SRD5A2: variants seen among roughly 807,000 people sequenced by gnomAD.
The protein encoded by SRD5A2 is 3-oxo-5-alpha-steroid 4-dehydrogenase 2.
In SRD5A2, 30 loss-of-function variants were observed where a neutral mutation model predicts 27.4. That is an observed-to-expected ratio of 1.10 (90% confidence interval 0.82 to 1.49). The LOEUF (loss-of-function observed/expected upper bound fraction) is 1.49. Among genes scored for constraint, SRD5A2 ranks in the 40% most tolerant of loss-of-function variants. The pLI is 0.00. For missense variants in SRD5A2, 348 were observed against 323.4 expected, an observed-to-expected ratio of 1.08 and a Z score of -0.58; for synonymous variants, 141 against 133.6, an observed-to-expected ratio of 1.06 and a Z score of -0.38.
chr2:31,569,266 C>T (rs1428138922), intron 1 of SRD5A2, among the ~76,000 whole-genome samples: 1 of 152,226 alleles, frequency 6.6e-6, no homozygotes, highest in African/African-American at 2.4e-5. Context: ...AGAAAAATAA[C>T]CAGAAATGCA....
intron 1 of SRD5A2, among the ~76,000 whole-genome samples, chr2:31,559,836 C>CAACACACACACACACACA (rs70964719): frequency 2.7e-4 from 17 of 63,714 alleles, no homozygotes; most frequent in African/African-American, 7.2e-4. Flanking sequence ...GTAAACAAAC[C>CAACACACACACACACACA]CACACACACA....
At chr2:31,627,392 T>C in the SRD5A2 span, among the ~76,000 whole-genome samples, 2 of 151,838 alleles carry the variant, frequency 1.3e-5, no homozygotes, top group Non-Finnish European at 2.9e-5. Context: ...TATTAATTCT[T>C]TCATAGAACA....
At chr2:31,657,454 A>G in the SRD5A2 span, among the ~76,000 whole-genome samples, 1 of 152,198 alleles carries the variant, frequency 6.6e-6, no homozygotes, top group Non-Finnish European at 1.5e-5. Flanking sequence ...GCAGTGGCAC[A>G]ATCGTAGCTC....
At chr2:31,605,742 C>CA in the SRD5A2 span, among the ~76,000 whole-genome samples, 2,680 of 141,276 alleles carry the variant, frequency 0.019, 66 homozygotes, top group African/African-American at 0.062. Flanking sequence ...TTTGGAGGAT[C>CA]AAAAAAAAAA....
chr2:31,580,806 C>G lies in SRD5A2; in HGVS notation c.95G>C (p.Gly32Ala). Reference sequence around the variant, plus strand: ...CAGGCTCTCCGTGTGCTTCCCGTAGCCGGAGGGCTTCGCGACGTACAAGGC... The same window carrying G: ...CAGGCTCTCCGTGTGCTTCCCGTAGGCGGAGGGCTTCGCGACGTACAAGGC... Reference protein sequence around the residue: ...ALALYVAKPSGYGKHTESLKP... With the variant: ...ALALYVAKPSAYGKHTESLKP... Residue 32 changes from glycine (G) to alanine (A), a missense_variant, in exon 1 of 5, where the codon GGC (glycine) becomes GCC (alanine). Transcript: ENST00000622030. 1 of 1,612,518 alleles carries G rather than the reference C, an allele frequency of 6.2e-7. No homozygotes were observed. Among genetic ancestry groups the G allele is most frequent in the Non-Finnish European group, 8.5e-7 (1 of 1,179,702 alleles).
intron 1 of SRD5A2, among the ~76,000 whole-genome samples, chr2:31,572,408 T>A (rs894836140): frequency 6.6e-6 from 1 of 152,218 alleles, no homozygotes; most frequent in Non-Finnish European, 1.5e-5. Flanking sequence ...CTGAGACATG[T>A]AGTTTACCTG....
chr2:31,564,344 T>C (rs1240877740), intron 1 of SRD5A2, among the ~76,000 whole-genome samples: 1 of 149,328 alleles, frequency 6.7e-6, no homozygotes, highest in Non-Finnish European at 1.5e-5. Flanking sequence ...AGAATAGCAA[T>C]AGAAATTACC....
At chr2:31,657,853 G>T in the SRD5A2 span, among the ~76,000 whole-genome samples, 2 of 152,102 alleles carry the variant, frequency 1.3e-5, no homozygotes, top group African/African-American at 2.4e-5. Context: ...GAGTGTGTGG[G>T]GGTGGGAAGG....
chr2:31,551,799 A>G (rs1408893975), intron 1 of SRD5A2, among the ~76,000 whole-genome samples: 1 of 152,220 alleles, frequency 6.6e-6, no homozygotes, highest in South Asian at 2.1e-4. Flanking sequence ...GACTTATTAA[A>G]TAGTTATAGT....
chr2:31,585,832 A>G (rs1023828725), upstream of SRD5A2, among the ~76,000 whole-genome samples: 1 of 152,084 alleles, frequency 6.6e-6, no homozygotes, highest in Non-Finnish European at 1.5e-5. Context: ...CCACTGCCCC[A>G]AAGAGTGAGT....
chr2:31,595,459 A>T, the SRD5A2 span, among the ~76,000 whole-genome samples: 1 of 152,156 alleles, frequency 6.6e-6, no homozygotes, highest in Non-Finnish European at 1.5e-5. Flanking sequence ...ACCTAAGGGG[A>T]TGGATAAATT....
upstream of SRD5A2, among the ~76,000 whole-genome samples, chr2:31,583,615 A>G (rs796504754): frequency 0.01 from 578 of 56,034 alleles, 8 homozygotes; most frequent in African/African-American, 0.042. Flanking sequence ...TCCTTCCAGG[A>G]AAAAAAAAAA....
the SRD5A2 span, among the ~76,000 whole-genome samples, chr2:31,622,779 CT>C: frequency 6.6e-6 from 1 of 152,096 alleles, no homozygotes; most frequent in African/African-American, 2.4e-5. Context: ...TGTGGCACTT[CT>C]TCTCAGTCCA....
At chr2:31,648,762 T>A in the SRD5A2 span, among the ~76,000 whole-genome samples, 1 of 152,250 alleles carries the variant, frequency 6.6e-6, no homozygotes, top group Non-Finnish European at 1.5e-5. Context: ...ACACGGCTGT[T>A]CTTTCCTCGA....
chr2:31,572,742 A>G (rs1572655323), intron 1 of SRD5A2, among the ~76,000 whole-genome samples: 1 of 152,224 alleles, frequency 6.6e-6, no homozygotes. Flanking sequence ...ACAAGAGGGC[A>G]GGCAGAGAGG....
chr2:31,581,283 C>T (rs61748130), upstream of SRD5A2, among the ~76,000 whole-genome samples: 8 of 152,174 alleles, frequency 5.3e-5, no homozygotes, highest in Admixed American at 3.9e-4. Context: ...GTGGTTCTTC[C>T]GCCCCAACAC....
At chr2:31,534,068 A>C (rs567553357) in intron 1 of SRD5A2, among the ~76,000 whole-genome samples, 255 of 152,324 alleles carry the variant, frequency 1.7e-3, no homozygotes, top group African/African-American at 5.9e-3. Context: ...CAACAATTTT[A>C]AATAAGTACA....
In SRD5A2 at chr2:31,548,918, G is replaced by C. The variant is rs183795592; in HGVS notation, c.282-15152C>G. ...TTATAAAGGAAGAAAATTCTAACAC[G>C]TACTATAACATGGATGAACCCTGAG... On this transcript the variant is annotated intron_variant, in intron 1 of 4. Coordinates refer to ENST00000622030, the MANE Select transcript of SRD5A2 (RefSeq NM_000348.4). 9.0e-4 allele frequency among the ~76,000 whole-genome samples: 136 copies of C among 151,884 alleles called. 1 individual carries two copies. Among genetic ancestry groups the C allele is most frequent in the African/African-American group, 3.0e-3 (125 of 41,460 alleles).
intron 1 of SRD5A2, among the ~76,000 whole-genome samples, chr2:31,540,153 G>A (rs560180912): frequency 6.6e-6 from 1 of 151,972 alleles, no homozygotes; most frequent in African/African-American, 2.4e-5. Context: ...AACACCAAGA[G>A]CAATCACTAA....
Sources: allele counts gnomAD v4.1 joint callset (sites outside exome capture counted in the v4.1 genomes callset), GRCh38; gene constraint gnomAD v4.1.1; transcripts MANE v1.5; gene names NCBI Gene and HGNC (gene_info 2026-07-23, HGNC 2026-07-21).